Variants in ZAN observed in about 807,000 individuals in gnomAD.
ZAN encodes zonadhesin.
A neutral mutation model predicts 286.2 loss-of-function variants in ZAN; 260 were observed. The ratio of observed to expected loss-of-function variants is 0.91; its 90% CI spans 0.82 to 1.01. The LOEUF is 1.01. Ranked by LOEUF, ZAN falls within the 50% of genes least tolerant of loss-of-function variation. The pLI, the probability that ZAN is intolerant of heterozygous loss-of-function variation, is 0.00. For missense variants in ZAN, 3,410 were observed against 3,639.2 expected, an observed-to-expected ratio of 0.94 and a Z score of 1.62; for synonymous variants, 1,368 against 1,417.5, an observed-to-expected ratio of 0.97 and a Z score of 0.79.
Position 100,733,985 on chromosome 7 carries a change from A to G in ZAN, c.-142-42A>G, listed in dbSNP as rs1807125880. The G allele has an allele frequency of 4.7e-6, 2 of 430,094 alleles. 1 individual carries two copies. Among genetic ancestry groups the G allele is most frequent in the South Asian group, 5.9e-5 (2 of 34,128 alleles). 26.6% of individuals were successfully genotyped at this position (430,094 alleles called of 1,614,324 possible). A position where few individuals can be genotyped will look rare whatever the true frequency, so the allele number is the denominator to read the frequency against. Reference sequence around the variant, plus strand: ...CTCGATTTCAATCTACGATGCTTCTACTGGATGGTAACTTTCAACTCTCAT... The same window carrying G: ...CTCGATTTCAATCTACGATGCTTCTGCTGGATGGTAACTTTCAACTCTCAT... On this transcript the variant is annotated intron_variant, in intron 1 of 47. Coordinates refer to ENST00000613979, the MANE Select transcript of ZAN (RefSeq NM_003386.3).
intron 7 of ZAN, among the ~76,000 whole-genome samples, chr7:100,739,991 A>G (rs1455657069): frequency 2.8e-5 from 4 of 141,796 alleles, no homozygotes; most frequent in African/African-American, 1.0e-4. Context: ...TGGTCAGAGT[A>G]GGTCACATTC....
chr7:100,737,765 G>T (rs1238985293), intron 6 of ZAN, among the ~76,000 whole-genome samples: 1 of 137,824 alleles, frequency 7.3e-6, no homozygotes, highest in Non-Finnish European at 1.6e-5. Flanking sequence ...GGGTCTGCCA[G>T]GTAGAGCTAT....
At chr7:100,764,788 A>G (rs3891038) in intron 22 of ZAN, among the ~76,000 whole-genome samples, 45,321 of 148,792 alleles carry the variant, frequency 0.3, 6,910 homozygotes, top group South Asian at 0.46. Flanking sequence ...TGAGGCAGGA[A>G]AATCGCTTGA....
At chr7:100,758,046 A>G (rs913813543) in intron 15 of ZAN, among the ~76,000 whole-genome samples, 156 bp from the exon 16 acceptor site, 14 of 151,624 alleles carry the variant, frequency 9.2e-5, no homozygotes, top group Non-Finnish European at 2.1e-4. Flanking sequence ...TGATTGCGCC[A>G]CTGCACTCCA....
intron 24 of ZAN, 124 bp downstream of exon 24, chr7:100,766,790 A>G (rs1810005569): frequency 1.4e-6 from 2 of 1,442,688 alleles, no homozygotes; most frequent in Admixed American, 2.6e-5. Context: ...GAGGGGCAGC[A>G]GGGGCAGCAT....
Position 100,797,368 on chromosome 7 carries a change from T to C in ZAN, c.8269T>C (p.Ser2757Pro). 1 of 1,613,680 alleles carries C rather than the reference T, an allele frequency of 6.2e-7. No individual in the cohort carries two copies. Among genetic ancestry groups the C allele is most frequent in the Non-Finnish European group, 8.5e-7 (1 of 1,179,720 alleles). The part of the protein sequence containing the change: ...RDAPPPRKPA[S>P]NLVGVLLGLL... ...TGTCTCTTCCCCGCACCCAGAAGCA[T>C]CTAACCTGGTGGGCGTCCTACTGGG... Residue 2757 changes from serine (S) to proline (P), a missense_variant and splice_region_variant, in exon 46 of 48, where the codon TCT becomes CCT. Ser to Pro is a moderately conservative substitution (Grantham distance 74). Around this residue, in one of 7 missense-constraint regions of ZAN, gnomAD observed 1,289 missense variants for 1,314.3 expected, o/e 0.98. Transcript: ENST00000613979.
In ZAN at chr7:100,776,984, G is replaced by A. The variant is rs540780047; in HGVS notation, c.6317+420G>A. 2.7e-4 allele frequency among the ~76,000 whole-genome samples: 40 copies of A among 145,796 alleles called. 1 individual carries two copies. The South Asian group carries it at 5.3e-3, about 19-fold the overall frequency. Reference sequence around the variant, plus strand: ...TCTGACCTCGTGATCCACCCGCCTCGGCCTCCCAAAGTGCTGGGATTACAG... The same window carrying A: ...TCTGACCTCGTGATCCACCCGCCTCAGCCTCCCAAAGTGCTGGGATTACAG... On this transcript the variant is annotated intron_variant, in intron 34 of 47. Transcript: ENST00000613979.
At chr7:100,760,669 C>T (rs1211011057) in intron 19 of ZAN, 133 bp downstream of exon 19, 50 of 1,353,658 alleles carry the variant, frequency 3.7e-5, no homozygotes, top group Middle Eastern at 2.5e-4. Flanking sequence ...TATGCATTCA[C>T]GGATGGGAAG....
chr7:100,744,864 C>A (rs1808072519), intron 7 of ZAN, among the ~76,000 whole-genome samples: 1 of 149,064 alleles, frequency 6.7e-6, no homozygotes, highest in African/African-American at 2.5e-5. Context: ...TCATAGGTCT[C>A]CTTGGTTTTT....
intron 11 of ZAN, among the ~76,000 whole-genome samples, chr7:100,749,164 C>T (rs1205740874): frequency 2.0e-5 from 3 of 151,564 alleles, no homozygotes; most frequent in Non-Finnish European, 4.4e-5. Flanking sequence ...CATAGTGAAA[C>T]CCTGACTCCA....
In ZAN at chr7:100,779,415, T is replaced by C. The variant is rs747724584; in HGVS notation, c.6318-31T>C. The C allele has an allele frequency of 6.4e-6, 10 of 1,571,196 alleles. No homozygotes were observed. The East Asian group carries it at 1.6e-4, about 25-fold the overall frequency. ...TTTTGTGTCATAGTAGGGGGACGGC[T>C]GTCCCTAGGCTGATTCTTTTCCCTT... On this transcript the variant is annotated intron_variant, in intron 34 of 47. Coordinates refer to ENST00000613979, the MANE Select transcript of ZAN (RefSeq NM_003386.3).
At position 100,768,597 on chromosome 7, in the gene ZAN, C is replaced by T. The variant is rs1386336319; in HGVS notation, c.5042-13C>T. 6.3e-7 allele frequency: 1 copy of T among 1,588,596 alleles called. No homozygotes were observed. The highest frequency in any genetic ancestry group is 1.3e-5 in the African/African-American group (1 of 74,550). On this transcript the variant is annotated splice_polypyrimidine_tract_variant and intron_variant, in intron 26 of 47. Transcript: ENST00000613979. ...GGCCCCTTCTTGCCTGTTTTAATGA[C>T]TCCCTCCTCTAGGGAACTACAACAA...
chr7:100,785,107 G>C (rs1375505355), intron 36 of ZAN, among the ~76,000 whole-genome samples: 1 of 152,084 alleles, frequency 6.6e-6, no homozygotes, highest in Admixed American at 6.6e-5. Flanking sequence ...ATTGAATCCT[G>C]ATGGTGCCAC....
At chr7:100,789,473 G>T in intron 39 of ZAN, 126 bp downstream of exon 39, 6 of 1,431,624 alleles carry the variant, frequency 4.2e-6, no homozygotes, top group Non-Finnish European at 4.7e-6. Context: ...CAGCTTCAGA[G>T]GAGGACCAGG....
chr7:100,750,848 G>A lies in ZAN; in HGVS notation c.1473G>A (p.Trp491Ter), dbSNP rs752713100. 5 of 1,584,500 alleles carry A rather than the reference G, an allele frequency of 3.2e-6. No homozygotes were observed. The highest frequency in any genetic ancestry group is 4.3e-6 in the Non-Finnish European group (5 of 1,163,632). Residue 491 changes from tryptophan to a stop codon, truncating the protein, a stop_gained, in exon 12 of 48, where the codon TGG becomes TGA. Coordinates refer to ENST00000613979, the MANE Select transcript of ZAN (RefSeq NM_003386.3). LOFTEE classifies it high-confidence loss of function. The stretch of plus-strand genomic sequence containing the variant: ...GCGTGGGGTCTCAGCGCCCTTACTG[G>A]CAGAACACCTCCGTCACCGTCCCCT... ...WKRVGSQRPY[W>*]QNTSVTVPSG...
At chr7:100,759,872 C>T in intron 18 of ZAN, 27 bp downstream of exon 18, 1 of 1,605,896 alleles carries the variant, frequency 6.2e-7, no homozygotes, top group South Asian at 1.1e-5. Context: ...CCCCACCATC[C>T]TTGCAGGGTC....
intron 19 of ZAN, 74 bp from the exon 20 acceptor site, chr7:100,762,141 C>T: frequency 6.3e-7 from 1 of 1,590,200 alleles, no homozygotes; most frequent in Non-Finnish European, 8.6e-7. Context: ...AGCTCCTTGC[C>T]TTCTCTGCCA....
intron 42 of ZAN, among the ~76,000 whole-genome samples, chr7:100,793,452 T>C (rs1018332937): frequency 5.4e-4 from 82 of 152,294 alleles, no homozygotes; most frequent in African/African-American, 1.9e-3. Context: ...TTGTTGTTGT[T>C]GTCTGAGACA....
At chr7:100,776,591 TTTTC>T (rs756794921) in intron 34 of ZAN, 27 bp downstream of exon 34, 13 of 1,468,012 alleles carry the variant, frequency 8.9e-6, no homozygotes, top group South Asian at 4.1e-5. Flanking sequence ...ACCCTCTAGG[TTTTC>T]TTTCTTTTTC....
Sources: gnomAD v4.1 joint callset for allele counts (sites outside exome capture counted in the v4.1 genomes callset) on GRCh38, gnomAD v4.1.1 for gene constraint, gnomAD v4.1.1 regional missense constraint, MANE v1.5 for transcripts, NCBI Gene and HGNC (gene_info 2026-07-23, HGNC 2026-07-21) for gene names.